The following PIK3R3 variants were observed in gnomAD, a reference collection of about 807,000 sequenced individuals.
PIK3R3 encodes phosphoinositide-3-kinase regulatory subunit 3.
A neutral mutation model predicts 62.9 loss-of-function variants in PIK3R3; 64 were observed. That is an observed-to-expected ratio of 1.02 (90% CI 0.83 to 1.25). The LOEUF is 1.25. PIK3R3 is among the 50% of genes most tolerant of loss of function. The pLI is 0.00. For synonymous variants in PIK3R3, 165 were observed against 189.0 expected, an observed-to-expected ratio of 0.87 and a Z score of 1.04; for missense variants, 614 against 561.6, an observed-to-expected ratio of 1.09 and a Z score of -0.94.
rs2149369210 is a variant in PIK3R3 at position 46,043,231 on chromosome 1, T to TG, written c.*441dup. ...CACAAAACCTAAACAGCCTTCTTCG[T>TG]GGGGGGAAGAGAGACTGCCAAAGCA... On this transcript the variant is annotated 3_prime_UTR_variant, in exon 10 of 10. Coordinates refer to ENST00000262741, the MANE Select transcript of PIK3R3 (RefSeq NM_003629.4). 8.6e-6 allele frequency: 2 copies of TG among 233,742 alleles called. No homozygotes were observed. The highest frequency in any genetic ancestry group is 1.8e-4 in the South Asian group (1 of 5,590). 14.5% of individuals were successfully genotyped at this position (233,742 alleles called of 1,614,324 possible).
chr1:46,078,959 G>A (rs1204111592), intron 2 of PIK3R3, among the ~76,000 whole-genome samples: 1 of 152,148 alleles, frequency 6.6e-6, no homozygotes, highest in East Asian at 1.9e-4. Context: ...TGGTTGCCAT[G>A]AGCTGAGGGA....
intron 8 of PIK3R3, 97 bp downstream of exon 8, chr1:46,046,454 A>G (rs1411699903): frequency 2.4e-6 from 2 of 841,540 alleles, no homozygotes; most frequent in Non-Finnish European, 4.0e-6. Context: ...AATGTCCTCA[A>G]GTGACAATGA....
intron 1 of PIK3R3, among the ~76,000 whole-genome samples, chr1:46,103,930 T>G (rs1652948857): frequency 6.6e-6 from 1 of 151,192 alleles, no homozygotes; most frequent in African/African-American, 2.4e-5. Flanking sequence ...AGGTCTTTTT[T>G]TTGTTGTTTT....
chr1:46,120,235 T>G (rs558346721), intron 1 of PIK3R3, among the ~76,000 whole-genome samples: 1 of 152,312 alleles, frequency 6.6e-6, no homozygotes, highest in South Asian at 2.1e-4. Context: ...GAAAAAGGTC[T>G]GTCTTATATT....
chr1:46,155,140 C>A, the PIK3R3 span, among the ~76,000 whole-genome samples: 1 of 152,032 alleles, frequency 6.6e-6, no homozygotes, highest in East Asian at 1.9e-4. Flanking sequence ...GGTAACATGG[C>A]GAAACCCCAT....
intron 7 of PIK3R3, among the ~76,000 whole-genome samples, chr1:46,047,533 C>T (rs1647148396): frequency 6.6e-6 from 1 of 151,948 alleles, no homozygotes; most frequent in South Asian, 2.1e-4. Flanking sequence ...AACCAGCACA[C>T]TTTGTTCCTT....
chr1:46,161,874 C>T, the PIK3R3 span, among the ~76,000 whole-genome samples: 48,104 of 151,190 alleles, frequency 0.32, 9,282 homozygotes, highest in East Asian at 0.54. Flanking sequence ...GGGCGGATCA[C>T]GAGGTCAGGA....
chr1:46,174,523 G>A, the PIK3R3 span, among the ~76,000 whole-genome samples: 1 of 152,108 alleles, frequency 6.6e-6, no homozygotes, highest in South Asian at 2.1e-4. Flanking sequence ...AGGTCTCAGG[G>A]TTCACTCCCT....
At chr1:46,116,694 A>G (rs2149462136) in intron 1 of PIK3R3, among the ~76,000 whole-genome samples, 1 of 152,058 alleles carries the variant, frequency 6.6e-6, no homozygotes, top group South Asian at 2.1e-4. Context: ...AAATAAATAA[A>G]TAAATAATAA....
chr1:46,068,766 G>A (rs1216861461), intron 3 of PIK3R3, among the ~76,000 whole-genome samples: 2 of 152,198 alleles, frequency 1.3e-5, no homozygotes, highest in Admixed American at 6.5e-5. Flanking sequence ...GAGAGTAATA[G>A]GAGACTAGGT....
intron 5 of PIK3R3, among the ~76,000 whole-genome samples, chr1:46,063,145 T>C (rs1043973171): frequency 1.3e-4 from 20 of 152,254 alleles, no homozygotes; most frequent in African/African-American, 3.6e-4. Context: ...TAACTAGTTA[T>C]TTATTGCTTT....
intron 4 of PIK3R3, 83 bp from the exon 5 acceptor site, chr1:46,066,262 G>A: frequency 1.1e-6 from 1 of 937,856 alleles, no homozygotes. Context: ...TTTTTTAAAG[G>A]AAAATATCAC....
In PIK3R3 at chr1:46,055,810, C is replaced by T. The variant is rs1557559928; in HGVS notation, c.926G>A (p.Arg309Gln). 6.9e-6 allele frequency: 11 copies of T among 1,591,208 alleles called. No individual in the cohort carries two copies. The highest frequency in any genetic ancestry group is 2.7e-5 in the African/African-American group (2 of 73,424). Reference sequence around the variant, plus strand: ...GACTACTTACACAAGGTGTTGATCTCGGATCTTTCGCAGCTGGATCAGGTC... The same window carrying T: ...GACTACTTACACAAGGTGTTGATCTTGGATCTTTCGCAGCTGGATCAGGTC... ...KPDLIQLRKI[R>Q]DQHLVWLNHK... is the part of the protein sequence containing the mutation. The change falls in exon 7 of 10, where the codon CGA becomes CAA. Residue 309 changes from arginine (R) to glutamine (Q), a missense_variant. Coordinates refer to ENST00000262741, the MANE Select transcript of PIK3R3 (RefSeq NM_003629.4).
At chr1:46,173,435 T>C in the PIK3R3 span, among the ~76,000 whole-genome samples, 2 of 152,222 alleles carry the variant, frequency 1.3e-5, no homozygotes, top group Admixed American at 1.3e-4. Context: ...TAGCAGGCAC[T>C]GTTGACTGAC....
chr1:46,098,961 C>T (rs1652399724), intron 1 of PIK3R3, among the ~76,000 whole-genome samples: 1 of 152,100 alleles, frequency 6.6e-6, no homozygotes, highest in African/African-American at 2.4e-5. Context: ...CTCAGTCTCC[C>T]AGAGCTGGGA....
At chr1:46,073,163 C>T (rs775915519) in intron 3 of PIK3R3, among the ~76,000 whole-genome samples, 28 of 152,102 alleles carry the variant, frequency 1.8e-4, no homozygotes, top group Non-Finnish European at 3.5e-4. Context: ...GTCAATGCCA[C>T]AGGTCTACAT....
rs76983908 is a variant in PIK3R3 at position 46,127,109 on chromosome 1, C to G, written c.106+4738G>C. The stretch of plus-strand genomic sequence containing the variant: ...CAGCATTTTGGGAGGCTGAAGCAGA[C>G]AGATCACTTGAGCCCAGGAGTTCAA... On this transcript the variant is annotated intron_variant, in intron 1 of 9. Coordinates refer to ENST00000262741, the MANE Select transcript of PIK3R3 (RefSeq NM_003629.4). Among the ~76,000 whole-genome samples, 110 of 149,816 alleles carry G rather than the reference C, an allele frequency of 7.3e-4. No homozygotes were observed. The East Asian group carries it at 0.013, about 17-fold the overall frequency.
At chr1:46,163,784 G>C in the PIK3R3 span, among the ~76,000 whole-genome samples, 2 of 152,148 alleles carry the variant, frequency 1.3e-5, no homozygotes, top group Non-Finnish European at 2.9e-5. Context: ...TCACCTCCTG[G>C]CTCTGCCACT....
intron 3 of PIK3R3, 87 bp downstream of exon 3, chr1:46,077,428 A>G (rs895272858): frequency 2.2e-5 from 13 of 582,624 alleles, no homozygotes; most frequent in Non-Finnish European, 3.6e-5. Context: ...AATTGTATAG[A>G]TAAAGATTTA....
Sources: gnomAD v4.1 joint callset for allele counts (sites outside exome capture counted in the v4.1 genomes callset) on GRCh38, gnomAD v4.1.1 for gene constraint, MANE v1.5 for transcripts, NCBI Gene and HGNC (gene_info 2026-07-23, HGNC 2026-07-21) for gene names.